The following UTRN variants were observed in gnomAD, a reference collection of about 807,000 sequenced individuals.
UTRN encodes the protein utrophin.
In UTRN, 283 loss-of-function variants were observed where a neutral mutation model predicts 463.9. The observed-to-expected ratio is 0.61, with a 90% CI of 0.55 to 0.67. The LOEUF (loss-of-function observed/expected upper bound fraction) is 0.67. Ranked by LOEUF, UTRN falls within the 30% of genes least tolerant of loss-of-function variation. The pLI, the probability that UTRN is intolerant of heterozygous loss-of-function variation, is 0.00. For missense variants in UTRN, 3,922 were observed against 4,084.3 expected (o/e 0.96, Z 1.08); for synonymous variants, 1,442 against 1,431.5 (o/e 1.01, Z -0.17).
At chr6:144,379,195 A>G (rs200898086) in intron 2 of UTRN, among the ~76,000 whole-genome samples, 4 of 151,190 alleles carry the variant, frequency 2.6e-5, no homozygotes, top group Non-Finnish European at 5.9e-5. Context: ...CAGCAAATCT[A>G]TATTAGTTAT....
chr6:144,300,356 C>A (rs1210790148), intron 2 of UTRN, among the ~76,000 whole-genome samples: 1 of 152,204 alleles, frequency 6.6e-6, no homozygotes, highest in African/African-American at 2.4e-5. Context: ...TCTCAAAGTG[C>A]TGGAAATACA....
intron 51 of UTRN, among the ~76,000 whole-genome samples, chr6:144,590,359 A>G (rs1802905506): frequency 6.6e-6 from 1 of 152,112 alleles, no homozygotes; most frequent in Non-Finnish European, 1.5e-5. Context: ...TTTATAACTT[A>G]ATTTGGTTTG....
chr6:144,487,905 A>C (rs184106883), intron 29 of UTRN, among the ~76,000 whole-genome samples: 3 of 152,346 alleles, frequency 2.0e-5, no homozygotes, highest in Admixed American at 6.5e-5. Context: ...ATGATTAAAA[A>C]AATTATTTTT....
chr6:144,437,038 T>G (rs1427269287), intron 10 of UTRN, among the ~76,000 whole-genome samples: 2 of 151,538 alleles, frequency 1.3e-5, no homozygotes, highest in African/African-American at 4.8e-5. Context: ...CTGCAACTTC[T>G]ACCTCCTGGC....
At chr6:144,404,009 CT>C (rs1169054518) in intron 3 of UTRN, among the ~76,000 whole-genome samples, 1 of 152,078 alleles carries the variant, frequency 6.6e-6, no homozygotes, top group Non-Finnish European at 1.5e-5. Flanking sequence ...TTTTTGGTTG[CT>C]TTTCAAAAGT....
At chr6:144,360,213 C>T (rs1473642476) in intron 2 of UTRN, among the ~76,000 whole-genome samples, 1 of 151,216 alleles carries the variant, frequency 6.6e-6, no homozygotes, top group Non-Finnish European at 1.5e-5. Context: ...CACTTGGTCA[C>T]CCAGGCTGGA....
chr6:144,733,913 G>A lies in UTRN; in HGVS notation c.7939+3427G>A, dbSNP rs1314297101. 2.0e-5 allele frequency among the ~76,000 whole-genome samples: 3 copies of A among 152,216 alleles called. No individual in the cohort carries two copies. In the East Asian group the frequency reaches 5.8e-4, roughly 29 times the overall value. On this transcript the variant is annotated intron_variant, in intron 54 of 74. Coordinates refer to ENST00000367545, the MANE Select transcript of UTRN (RefSeq NM_007124.3). ...GTTAAAATTTTCTTACTTGCCCTAA[G>A]TTGAGGAATCCAGTTTTGAGCATTT... is the stretch of plus-strand genomic sequence containing the variant.
chr6:144,523,017 A>G lies in UTRN; in HGVS notation c.5735A>G (p.Asn1912Ser). 6.3e-7 allele frequency: 1 copy of G among 1,586,526 alleles called. No homozygotes were observed. The highest frequency in any genetic ancestry group is 8.6e-7 in the Non-Finnish European group (1 of 1,169,314). ...DFSFQEDSLK[N>S]IKDQLDKLGE... Reference sequence around the variant, plus strand: ...TAATCTATGACAATATATTTTTAGAATATCAAAGACCAACTGGACAAACTT... The same window carrying G: ...TAATCTATGACAATATATTTTTAGAGTATCAAAGACCAACTGGACAAACTT... The change falls in exon 41 of 75, where the codon AAT becomes AGT. Residue 1912 changes from asparagine (N) to serine (S), a missense_variant and splice_region_variant. By Grantham distance (46) the Asn-to-Ser change is conservative. Around this residue, in one of 3 missense-constraint regions of UTRN, gnomAD observed 2,349 missense variants for 2,303.8 expected, o/e 1.02. Coordinates refer to ENST00000367545, the MANE Select transcript of UTRN (RefSeq NM_007124.3).
intron 3 of UTRN, among the ~76,000 whole-genome samples, chr6:144,409,510 T>C (rs771619168): frequency 3.9e-5 from 6 of 152,150 alleles, no homozygotes; most frequent in Non-Finnish European, 8.8e-5. Flanking sequence ...ATTCAGCCTC[T>C]TGTGGCCCCA....
At chr6:144,516,761 C>T (rs1295574574) in intron 38 of UTRN, 50 bp from the exon 39 acceptor site, 6 of 1,364,508 alleles carry the variant, frequency 4.4e-6, no homozygotes, top group Non-Finnish European at 5.7e-6. Context: ...AGGAAGTGAC[C>T]TTATGCATTT....
At chr6:144,588,492 C>A (rs1320620704) in intron 51 of UTRN, among the ~76,000 whole-genome samples, 1 of 152,134 alleles carries the variant, frequency 6.6e-6, no homozygotes, top group Non-Finnish European at 1.5e-5. Context: ...ATATCATTAT[C>A]ATTGGTGTAT....
At chr6:144,430,721 T>G (rs1343219412) in intron 9 of UTRN, among the ~76,000 whole-genome samples, 4 of 152,206 alleles carry the variant, frequency 2.6e-5, no homozygotes, top group Non-Finnish European at 5.9e-5. Context: ...TTTTTCTTCT[T>G]GATTTGTTTT....
At chr6:144,658,013 G>A (rs574889653) in intron 51 of UTRN, among the ~76,000 whole-genome samples, 2 of 152,160 alleles carry the variant, frequency 1.3e-5, no homozygotes, top group Non-Finnish European at 2.9e-5. Flanking sequence ...TACAGACCAG[G>A]TTCCCTGTGG....
At chr6:144,670,465 G>A (rs1188135859) in intron 51 of UTRN, among the ~76,000 whole-genome samples, 3 of 151,940 alleles carry the variant, frequency 2.0e-5, no homozygotes, top group African/African-American at 7.3e-5. Flanking sequence ...TCAAGTTTTT[G>A]ATGGGATTAT....
At chr6:144,539,575 A>G (rs1031542468) in intron 45 of UTRN, 132 bp downstream of exon 45, 5 of 897,214 alleles carry the variant, frequency 5.6e-6, no homozygotes, top group Admixed American at 6.6e-5. Flanking sequence ...ACTAATGTTT[A>G]TATTTTTTAT....
intron 51 of UTRN, among the ~76,000 whole-genome samples, chr6:144,664,075 A>G (rs1215963173): frequency 6.6e-6 from 1 of 152,244 alleles, no homozygotes; most frequent in Admixed American, 6.5e-5. Context: ...AGATGAAATT[A>G]TAAGAGTAAT....
chr6:144,771,818 A>G, intron 58 of UTRN, 89 bp from the exon 59 acceptor site: 1 of 1,081,410 alleles, frequency 9.2e-7, no homozygotes. Context: ...ATTTGAAAAA[A>G]ATCATTTCTA....
At chr6:144,325,352 G>A (rs1235302625) in intron 2 of UTRN, among the ~76,000 whole-genome samples, 1 of 152,146 alleles carries the variant, frequency 6.6e-6, no homozygotes, top group Non-Finnish European at 1.5e-5. Context: ...TTATAAAAGT[G>A]AGTTTGACTC....
chr6:144,368,779 A>G (rs1367326636), intron 2 of UTRN, among the ~76,000 whole-genome samples: 1 of 152,162 alleles, frequency 6.6e-6, no homozygotes, highest in Non-Finnish European at 1.5e-5. Context: ...AAGAAAAAAA[A>G]AGGATTATAA....
Sources: gnomAD v4.1 joint callset for allele counts (sites outside exome capture counted in the v4.1 genomes callset) on GRCh38, gnomAD v4.1.1 for gene constraint, gnomAD v4.1.1 regional missense constraint, MANE v1.5 for transcripts, NCBI Gene and HGNC (gene_info 2026-07-23, HGNC 2026-07-21) for gene names.